Variants in MTMR8 observed in about 807,000 individuals in gnomAD.
The protein encoded by MTMR8 is myotubularin related protein 8.
A neutral mutation model predicts 39.3 loss-of-function variants in MTMR8; 65 were observed. The observed-to-expected ratio is 1.65, with a 90% CI of 1.35 to 2.03. The LOEUF (loss-of-function observed/expected upper bound fraction) is 2.03, where lower values mean the gene tolerates loss of function less well. Ranked by LOEUF, MTMR8 falls within the 30% of genes most tolerant of loss-of-function variation. MTMR8 has a pLI of 0.00. For synonymous variants in MTMR8, 245 were observed against 185.2 expected, an observed-to-expected ratio of 1.32 and a Z score of -2.62; for missense variants, 777 against 538.9, an observed-to-expected ratio of 1.44 and a Z score of -4.37.
chrX:64,310,608 G>T (rs373532759), intron 12 of MTMR8, among the ~76,000 whole-genome samples: 3 of 110,973 alleles, frequency 2.7e-5, no homozygotes, highest in South Asian at 7.8e-4. Flanking sequence ...CCATCAACTC[G>T]TCATTTACAT....
chrX:64,364,583 G>A (rs112897891), intron 1 of MTMR8, among the ~76,000 whole-genome samples: 83 of 111,413 alleles, frequency 7.4e-4, no homozygotes, highest in African/African-American at 2.4e-3. Context: ...CAAAAAGGAC[G>A]TCCACACCAA....
intron 1 of MTMR8, chrX:64,360,240 G>A (rs1923743370): frequency 6.1e-6 from 1 of 163,282 alleles, no homozygotes. Context: ...AAATCAACAG[G>A]ACAAGAAGAT....
intron 8 of MTMR8, among the ~76,000 whole-genome samples, chrX:64,338,629 G>A (rs1000961752): frequency 4.5e-5 from 5 of 112,183 alleles, no homozygotes; most frequent in East Asian, 2.8e-4. Flanking sequence ...GGAGTTGGAA[G>A]CAGAGGAGTG....
intron 12 of MTMR8, among the ~76,000 whole-genome samples, chrX:64,300,397 A>G (rs1921813538): frequency 9.0e-6 from 1 of 111,207 alleles, no homozygotes; most frequent in Non-Finnish European, 1.9e-5. Context: ...TAGCATTGCA[A>G]ACCCTGCCTT....
At chrX:64,344,497 T>C (rs909068811) in intron 7 of MTMR8, among the ~76,000 whole-genome samples, 2 of 111,010 alleles carry the variant, frequency 1.8e-5, no homozygotes, top group African/African-American at 6.6e-5. Context: ...TTAGGAGAAA[T>C]GCTCTACACC....
At chrX:64,380,501 ATTG>A (rs1924383709) in intron 1 of MTMR8, among the ~76,000 whole-genome samples, 1 of 112,736 alleles carries the variant, frequency 8.9e-6, no homozygotes, top group African/African-American at 3.2e-5. Context: ...TTGTGTAGCC[ATTG>A]TTGAGAACCA....
intron 12 of MTMR8, among the ~76,000 whole-genome samples, chrX:64,285,054 T>C (rs1389591124): frequency 3.6e-5 from 4 of 111,628 alleles, no homozygotes; most frequent in East Asian, 5.6e-4. Context: ...CAAGACCCAT[T>C]AGTGTGCTGT....
intron 12 of MTMR8, among the ~76,000 whole-genome samples, chrX:64,302,082 G>T (rs1396391814): frequency 8.9e-6 from 1 of 112,892 alleles, no homozygotes; most frequent in East Asian, 2.8e-4. Flanking sequence ...CTTGAGCTGT[G>T]GTTGGCTCCA....
chrX:64,381,978 G>C (rs1431150851), intron 1 of MTMR8, among the ~76,000 whole-genome samples: 15 of 111,462 alleles, frequency 1.3e-4, no homozygotes, highest in Non-Finnish European at 1.7e-4. Context: ...TGTTTTGGTA[G>C]CAGTACCATG....
intron 12 of MTMR8, among the ~76,000 whole-genome samples, chrX:64,311,767 CTTTTTTTTT>C (rs1193336126): frequency 1.2e-5 from 1 of 80,916 alleles, no homozygotes; most frequent in East Asian, 3.8e-4. Context: ...TTCCCCATTG[CTTTTTTTTT>C]TTTTTTTTGG....
chrX:64,271,006 G>T lies in MTMR8; in HGVS notation c.1549C>A (p.Leu517Ile). The T allele has an allele frequency of 8.3e-7, 1 of 1,209,684 alleles. No homozygotes were observed. The highest frequency in any genetic ancestry group is 1.1e-6 in the Non-Finnish European group (1 of 894,445). Reference sequence around the variant, plus strand: ...GCTCTCTGTTTCTTAATTTCCAGGAGGCTCTCTAGCATACTCTGCTTGGGC... The same window carrying T: ...GCTCTCTGTTTCTTAATTTCCAGGATGCTCTCTAGCATACTCTGCTTGGGC... Reference protein sequence around the residue: ...LQPKQSMLESLLEIKKQRAML... With the variant: ...LQPKQSMLESILEIKKQRAML... The change falls in exon 13 of 14, where the codon CTC becomes ATC. Residue 517 changes from leucine (L) to isoleucine (I), a missense_variant. Leu to Ile is a conservative substitution (Grantham distance 5, BLOSUM62 2). Transcript: ENST00000374852.
chrX:64,389,231 CT>C (rs1214910222), intron 1 of MTMR8, among the ~76,000 whole-genome samples: 1 of 111,357 alleles, frequency 9.0e-6, no homozygotes, highest in Non-Finnish European at 1.9e-5. Context: ...AAAGTGAAGC[CT>C]AGAGAGGTAA....
chrX:64,296,394 T>A (rs1239837162), intron 12 of MTMR8, among the ~76,000 whole-genome samples: 1 of 110,665 alleles, frequency 9.0e-6, no homozygotes, highest in African/African-American at 3.3e-5. Flanking sequence ...TGGATAATGA[T>A]GGTAGATGCA....
At chrX:64,290,613 T>C (rs1921362406) in intron 12 of MTMR8, among the ~76,000 whole-genome samples, 1 of 110,159 alleles carries the variant, frequency 9.1e-6, no homozygotes, top group African/African-American at 3.3e-5. Flanking sequence ...CTCCCCCTCA[T>C]ACCCACCACC....
At chrX:64,328,558 A>G (rs1262070090) in intron 12 of MTMR8, among the ~76,000 whole-genome samples, 1 of 111,578 alleles carries the variant, frequency 9.0e-6, no homozygotes, top group East Asian at 2.8e-4. Context: ...ATAATTTCTT[A>G]TTTATTTCCC....
At chrX:64,312,590 G>A (rs562667800) in intron 12 of MTMR8, among the ~76,000 whole-genome samples, 248 of 112,239 alleles carry the variant, frequency 2.2e-3, no homozygotes, top group Middle Eastern at 9.2e-3. Context: ...CATTGTCTCC[G>A]CCCAAAATCA....
intron 1 of MTMR8, among the ~76,000 whole-genome samples, chrX:64,373,722 A>G (rs757385097): frequency 2.7e-5 from 3 of 111,466 alleles, no homozygotes; most frequent in African/African-American, 9.8e-5. Flanking sequence ...AGGAAAGGTA[A>G]CAAAAATGTA....
chrX:64,273,312 T>C (rs1364742860), intron 12 of MTMR8, among the ~76,000 whole-genome samples: 1 of 106,565 alleles, frequency 9.4e-6, no homozygotes, highest in Non-Finnish European at 1.9e-5. Context: ...AAGAAGAAAA[T>C]GTGTAATGTG....
chrX:64,319,413 T>A (rs1468930207), intron 12 of MTMR8, among the ~76,000 whole-genome samples: 1 of 112,380 alleles, frequency 8.9e-6, no homozygotes, highest in Admixed American at 9.4e-5. Flanking sequence ...TTTAATTAGA[T>A]CCCATTTGTC....
Sources: allele counts gnomAD v4.1 joint callset (sites outside exome capture counted in the v4.1 genomes callset), GRCh38; gene constraint gnomAD v4.1.1; transcripts MANE v1.5; gene names NCBI Gene and HGNC (gene_info 2026-07-23, HGNC 2026-07-21).